KCNA3: variants seen among roughly 807,000 people sequenced by gnomAD.
KCNA3 encodes potassium voltage-gated channel subfamily A member 3.
KCNA3 carries 18 observed loss-of-function variants against 34.3 expected under a neutral mutation model. That is an observed-to-expected ratio of 0.52 (90% CI 0.36 to 0.78). KCNA3 has a LOEUF of 0.78. Among genes scored for constraint, KCNA3 ranks in the 30% least tolerant of loss-of-function variants. The pLI, the probability that KCNA3 is intolerant of heterozygous loss-of-function variation, is 0.00. For missense variants in KCNA3, 587 were observed against 802.5 expected (o/e 0.73, Z 3.24); for synonymous variants, 324 against 351.7 (o/e 0.92, Z 0.88).
Position 110,674,509 on chromosome 1 carries a change from A to T in KCNA3, c.301T>A (p.Cys101Ser). The T allele has an allele frequency of 6.2e-7, 1 of 1,612,238 alleles. No homozygotes were observed. Among genetic ancestry groups the T allele is most frequent in the Non-Finnish European group, 8.5e-7 (1 of 1,179,304 alleles). Residue 101 changes from cysteine (C) to serine (S), a missense_variant, in exon 1 of 1, where the codon TGC (cysteine) becomes AGC (serine). Around this residue, in one of 7 missense-constraint regions of KCNA3, gnomAD observed 341 missense variants for 355.4 expected, o/e 0.96. Transcript: ENST00000369769. This position sits in a 1 kb window ranked among gnomAD's most constrained non-coding sequence, Gnocchi z 6.4. Reference sequence around the variant, plus strand: ...TTGATGACCACGCGCTCCCCGCAGCAGTCCTGCTCGCCCGCGGCCGGCAGT... The same window carrying T: ...TTGATGACCACGCGCTCCCCGCAGCTGTCCTGCTCGCCCGCGGCCGGCAGT... ...PSLPAAGEQD[C>S]CGERVVINIS...
At chr1:110,659,499 T>A in the KCNA3 span, among the ~76,000 whole-genome samples, 1 of 152,186 alleles carries the variant, frequency 6.6e-6, no homozygotes, top group African/African-American at 2.4e-5. Flanking sequence ...TAACTGCTAC[T>A]GCATTCTTGA....
At chr1:110,662,138 T>TAAC in the KCNA3 span, among the ~76,000 whole-genome samples, 1 of 37,970 alleles carries the variant, frequency 2.6e-5, no homozygotes, top group African/African-American at 1.6e-4. Context: ...AAAAAAAAAT[T>TAAC]CAGAATGTCT....
In KCNA3 at chr1:110,674,160, T is replaced by G. The variant is rs779373280; in HGVS notation, c.650A>C (p.Gln217Pro). 1 of 1,613,362 alleles carries G rather than the reference T, an allele frequency of 6.2e-7. No individual in the cohort carries two copies. Among genetic ancestry groups the G allele is most frequent in the South Asian group, 1.1e-5 (1 of 90,978 alleles). Residue 217 changes from glutamine (Q) to proline (P), a missense_variant, in exon 1 of 1, where the codon CAG (glutamine) becomes CCG (proline). By Grantham distance (76) the Gln-to-Pro change is moderately conservative (BLOSUM62 -1). Transcript: ENST00000369769. This position sits in a 1 kb window ranked among gnomAD's most constrained non-coding sequence, Gnocchi z 6.4. ...CTCGAAGAGCAGCCACACCTGGCGC[T>G]GGAAGTCGCGGCGGGGCAAGGGCCG... ...EERPLPRRDF[Q>P]RQVWLLFEYP...
downstream of KCNA3, among the ~76,000 whole-genome samples, chr1:110,672,036 C>T (rs553297960): frequency 2.6e-5 from 4 of 152,148 alleles, no homozygotes; most frequent in South Asian, 2.1e-4. Flanking sequence ...ATTTTTTGTG[C>T]GGCTTATTCA....
chr1:110,666,381 A>G, the KCNA3 span, among the ~76,000 whole-genome samples: 2 of 152,126 alleles, frequency 1.3e-5, no homozygotes, highest in African/African-American at 2.4e-5. Flanking sequence ...AAATATTTGC[A>G]AAGATCCCCA....
chr1:110,653,873 G>A, the KCNA3 span: 1 of 152,140 alleles, frequency 6.6e-6, no homozygotes, highest in African/African-American at 2.4e-5. Context: ...GCTTAAGAAT[G>A]ATTATTTCAT....
At chr1:110,663,115 A>C in the KCNA3 span, among the ~76,000 whole-genome samples, 1 of 152,194 alleles carries the variant, frequency 6.6e-6, no homozygotes, top group Non-Finnish European at 1.5e-5. Flanking sequence ...AATGGCACAT[A>C]AGGCTGCCTC....
the KCNA3 span, among the ~76,000 whole-genome samples, chr1:110,658,876 C>T: frequency 0.6 from 90,685 of 151,940 alleles, 27,196 homozygotes; most frequent in Admixed American, 0.62. Context: ...TAAGTACTAA[C>T]ACATTTTTGT....
the KCNA3 span, among the ~76,000 whole-genome samples, chr1:110,659,144 A>G: frequency 9.2e-5 from 14 of 151,510 alleles, no homozygotes; most frequent in African/African-American, 3.2e-4. Flanking sequence ...ACACGACTAT[A>G]TCTCATGATT....
downstream of KCNA3, among the ~76,000 whole-genome samples, chr1:110,669,828 T>C (rs761956303): frequency 3.9e-5 from 6 of 152,180 alleles, no homozygotes; most frequent in African/African-American, 7.2e-5. Context: ...GTAATTATTA[T>C]TCTTATAATA....
At chr1:110,658,207 T>A in the KCNA3 span, among the ~76,000 whole-genome samples, 1 of 152,218 alleles carries the variant, frequency 6.6e-6, no homozygotes, top group Non-Finnish European at 1.5e-5. Context: ...ATTGTTTTAG[T>A]TACTGATTCT....
chr1:110,663,410 C>A, the KCNA3 span, among the ~76,000 whole-genome samples: 3 of 152,200 alleles, frequency 2.0e-5, no homozygotes, highest in African/African-American at 7.2e-5. Flanking sequence ...TAAACTCAGG[C>A]ACATATGTTA....
At position 110,674,754 on chromosome 1, in the gene KCNA3, C is replaced by G; in HGVS notation, c.56G>C (p.Arg19Pro). The change falls in exon 1 of 1, where the codon CGC (arginine) becomes CCC (proline). Residue 19 changes from arginine (R) to proline (P), a missense_variant. Arg to Pro is a moderately radical substitution (Grantham distance 103, BLOSUM62 -2). Transcript: ENST00000369769. This position sits in a 1 kb window ranked among gnomAD's most constrained non-coding sequence, Gnocchi z 6.4. ...CGCTGGGCGCTGAGGAGGGTGGGCG[C>G]GGTGGCGGGCTGAGGGCGGCGGCGG... Reference protein sequence around the residue: ...RSPPPPSARHRAHPPQRPASS... With the variant: ...RSPPPPSARHPAHPPQRPASS... The G allele has an allele frequency of 2.9e-6, 4 of 1,367,800 alleles. No individual in the cohort carries two copies. Among genetic ancestry groups the G allele is most frequent in the Non-Finnish European group, 3.7e-6 (4 of 1,068,134 alleles). The allele number at this position is 1,367,800 out of a possible 1,614,324, so 84.7% of individuals were successfully genotyped here.
chr1:110,655,036 ATTC>A, the KCNA3 span: 1 of 152,122 alleles, frequency 6.6e-6, no homozygotes, highest in Non-Finnish European at 1.5e-5. Context: ...TGTATTTGTT[ATTC>A]TGACTTCTGC....
In KCNA3 at chr1:110,674,100, G is replaced by C; in HGVS notation, c.710C>G (p.Ala237Gly). Residue 237 changes from alanine to glycine, a missense_variant, in exon 1 of 1, where the codon GCC becomes GGC. By Grantham distance (60) the Ala-to-Gly change is moderately conservative. This residue lies in a region of KCNA3 where 9 missense variants were observed against 26.8 expected (regional missense o/e 0.34). Transcript: ENST00000369769. The surrounding 1 kb of genome is among the most constrained non-coding windows in gnomAD (Gnocchi z 6.4). ...GAGGATGACCAGCACGGACACGATG[G>C]CGATGCCCCGGGCCGGCCCGGAGCT... ...PESSGPARGI[A>G]IVSVLVILIS... is the part of the protein sequence containing the mutation. The C allele has an allele frequency of 6.2e-7, 1 of 1,610,158 alleles. No individual in the cohort carries two copies. Among genetic ancestry groups the C allele is most frequent in the South Asian group, 1.1e-5 (1 of 90,456 alleles).
chr1:110,673,112 G>C lies in KCNA3; in HGVS notation c.1698C>G (p.Val566=). 6.2e-7 allele frequency: 1 copy of C among 1,612,968 alleles called. No individual in the cohort carries two copies. The highest frequency in any genetic ancestry group is 8.5e-7 in the Non-Finnish European group (1 of 1,179,524). The part of the protein sequence containing the change: ...CTTNNNPNSC[V]NIKKIFTDV ...CATCGGTGAATATCTTTTTGATGTTGACACAAGAGTTGGGATTATTGTTCG... is the reference window on the plus strand; with the variant it reads ...CATCGGTGAATATCTTTTTGATGTTCACACAAGAGTTGGGATTATTGTTCG... The change falls in exon 1 of 1, where the codon GTC becomes GTG. Residue 566 remains valine, a synonymous_variant. Coordinates refer to ENST00000369769, the MANE Select transcript of KCNA3 (RefSeq NM_002232.5). This position sits in a 1 kb window ranked among gnomAD's most constrained non-coding sequence, Gnocchi z 8.8.
Position 110,674,820 on chromosome 1 carries a change from A to G in KCNA3, c.-11T>C. ...GAGGCGCTCGTCCATGCGGCGGGGA[A>G]GAGGCGGCAGCGGTGAGGCCAGGTC... On this transcript the variant is annotated 5_prime_UTR_variant, in exon 1 of 1. Transcript: ENST00000369769. This position sits in a 1 kb window ranked among gnomAD's most constrained non-coding sequence, Gnocchi z 6.4. The G allele has an allele frequency of 7.7e-7, 1 of 1,304,564 alleles. No homozygotes were observed. Among genetic ancestry groups the G allele is most frequent in the Non-Finnish European group, 9.7e-7 (1 of 1,031,244 alleles). The allele number at this position is 1,304,564 out of a possible 1,614,324, so 80.8% of individuals were successfully genotyped here.
At chr1:110,667,852 CT>C (rs1277006358), downstream of KCNA3, among the ~76,000 whole-genome samples, 1 of 152,128 alleles carries the variant, frequency 6.6e-6, no homozygotes, top group African/African-American at 2.4e-5. Context: ...TTAAATTATA[CT>C]TGCAAACTGA....
chr1:110,654,540 C>T, the KCNA3 span: 1 of 152,134 alleles, frequency 6.6e-6, no homozygotes, highest in Non-Finnish European at 1.5e-5. Flanking sequence ...AACTTTTAGT[C>T]TAGCATTCTG....
Sources: allele counts gnomAD v4.1 joint callset (sites outside exome capture counted in the v4.1 genomes callset), GRCh38; gene constraint gnomAD v4.1.1; regional missense constraint gnomAD v4.1.1; non-coding constraint Gnocchi (gnomAD v3.1); transcripts MANE v1.5; gene names NCBI Gene and HGNC (gene_info 2026-07-23, HGNC 2026-07-21).